The following ITPRIP variants were observed in gnomAD, a reference collection of about 807,000 sequenced individuals.
The protein encoded by ITPRIP is inositol 1,4,5-trisphosphate receptor interacting protein, also known as inositol 1,4,5-trisphosphate receptor-interacting protein.
ITPRIP carries 32 observed loss-of-function variants against 35.8 expected under a neutral mutation model. The ratio of observed to expected loss-of-function variants is 0.89; its 90% CI spans 0.68 to 1.20. The LOEUF is 1.20. Among genes scored for constraint, ITPRIP ranks in the 50% most tolerant of loss-of-function variants. The pLI is 0.00. For missense variants in ITPRIP, 653 were observed against 735.6 expected (o/e 0.89, Z 1.30); for synonymous variants, 358 against 324.0 (o/e 1.11, Z -1.13).
chr10:104,314,981 C>A lies in ITPRIP; in HGVS notation c.1071G>T (p.Ser357=). The A allele has an allele frequency of 6.2e-7, 1 of 1,613,922 alleles. No individual in the cohort carries two copies. The highest frequency in any genetic ancestry group is 8.5e-7 in the Non-Finnish European group (1 of 1,180,008). The change falls in exon 2 of 2, where the codon TCG becomes TCT. Residue 357 remains serine, a synonymous_variant. Transcript: ENST00000337478. ...NLIPVIQCDD[S]DLYFVSHLPR... is the part of the protein sequence containing the mutation. ...GAAGGTGGGAGACAAAGTACAGGTC[C>A]GAGTCATCACACTGGATCACAGGAA...
chr10:104,315,702 C>A lies in ITPRIP; in HGVS notation c.350G>T (p.Gly117Val), dbSNP rs2013655298. ...HQEGPSPECL[G>V]GEEDELPGLG... Reference sequence around the variant, plus strand: ...CCCAGGCAGCTCATCCTCCTCACCGCCCAGGCACTCAGGTGAGGGCCCCTC... The same window carrying A: ...CCCAGGCAGCTCATCCTCCTCACCGACCAGGCACTCAGGTGAGGGCCCCTC... Residue 117 changes from glycine to valine, a missense_variant, in exon 2 of 2, where the codon GGC becomes GTC. Coordinates refer to ENST00000337478, the MANE Select transcript of ITPRIP (RefSeq NM_001272013.2). This position sits in a 1 kb window ranked among gnomAD's most constrained non-coding sequence, Gnocchi z 5.7. The A allele has an allele frequency of 6.2e-7, 1 of 1,613,404 alleles. No homozygotes were observed. Among genetic ancestry groups the A allele is most frequent in the Non-Finnish European group, 8.5e-7 (1 of 1,180,000 alleles).
At chr10:104,336,999 G>C (rs1302459956) in intron 1 of ITPRIP, among the ~76,000 whole-genome samples, 1 of 152,218 alleles carries the variant, frequency 6.6e-6, no homozygotes, top group Non-Finnish European at 1.5e-5. Context: ...CACAAGTGGA[G>C]AAAATCCGAA....
chr10:104,313,217 C>T lies in ITPRIP; in HGVS notation c.*1191G>A. On this transcript the variant is annotated 3_prime_UTR_variant, in exon 2 of 2. Transcript: ENST00000337478. ...TGCCCTAGGATTGGGACCCTGAGGA[C>T]AACCTGGGGCTATGACATCCTTGGC... 1 of 985,550 alleles carries T rather than the reference C, an allele frequency of 1.0e-6. No individual in the cohort carries two copies. Among genetic ancestry groups the T allele is most frequent in the Non-Finnish European group, 1.2e-6 (1 of 830,018 alleles). 61.1% of individuals were successfully genotyped at this position (985,550 alleles called of 1,614,324 possible). A position where few individuals can be genotyped will look rare whatever the true frequency, so the allele number is the denominator to read the frequency against.
Position 104,310,862 on chromosome 10 carries a change from C to A in ITPRIP, c.*3546G>T, listed in dbSNP as rs1354178320. On this transcript the variant is annotated 3_prime_UTR_variant, in exon 2 of 2. Coordinates refer to ENST00000337478, the MANE Select transcript of ITPRIP (RefSeq NM_001272013.2). ...TGGACATCCAGAATCAGGTGGGGAA[C>A]TTGGTGAAGTGCAGATTCTTCTACC... 6.6e-6 allele frequency: 1 copy of A among 152,194 alleles called. No homozygotes were observed. Among genetic ancestry groups the A allele is most frequent in the South Asian group, 2.1e-4 (1 of 4,830 alleles). 9.4% of individuals were successfully genotyped at this position (152,194 alleles called of 1,614,324 possible).
intron 1 of ITPRIP, among the ~76,000 whole-genome samples, chr10:104,325,969 C>T (rs1212385837): frequency 6.6e-6 from 1 of 152,166 alleles, no homozygotes; most frequent in Admixed American, 6.5e-5. Flanking sequence ...AGCTCCACCC[C>T]AGTGCCCACC....
intron 1 of ITPRIP, among the ~76,000 whole-genome samples, chr10:104,318,209 C>T (rs759729359): frequency 2.0e-5 from 3 of 152,138 alleles, no homozygotes; most frequent in Non-Finnish European, 4.4e-5. Flanking sequence ...CTGGTTTCTA[C>T]ATTAGAGAAA....
In ITPRIP at chr10:104,315,671, C is replaced by G; in HGVS notation, c.381G>C (p.Gly127=). 6.2e-7 allele frequency: 1 copy of G among 1,612,798 alleles called. No homozygotes were observed. Among genetic ancestry groups the G allele is most frequent in the Non-Finnish European group, 8.5e-7 (1 of 1,179,902 alleles). ...GGEEDELPGL[G]GAPLQGLTLP... ...GGGTGAGGCCCTGCAAGGGGGCGCCCCCCAGCCCAGGCAGCTCATCCTCCT... is the reference window on the plus strand; with the variant it reads ...GGGTGAGGCCCTGCAAGGGGGCGCCGCCCAGCCCAGGCAGCTCATCCTCCT... The change falls in exon 2 of 2, where the codon GGG becomes GGC. Residue 127 remains glycine (G), a synonymous_variant. Transcript: ENST00000337478. This position sits in a 1 kb window ranked among gnomAD's most constrained non-coding sequence, Gnocchi z 5.7.
chr10:104,313,840 C>T lies in ITPRIP; in HGVS notation c.*568G>A. 2.0e-6 allele frequency: 2 copies of T among 985,644 alleles called. No individual in the cohort carries two copies. The highest frequency in any genetic ancestry group is 2.4e-6 in the Non-Finnish European group (2 of 830,132). 61.1% of individuals were successfully genotyped at this position (985,644 alleles called of 1,614,324 possible). The stretch of plus-strand genomic sequence containing the variant: ...CTCGAATTTATACAAGGTCTTTTCT[C>T]CAAATAGTATAAAAAAGTGGCAGCC... On this transcript the variant is annotated 3_prime_UTR_variant, in exon 2 of 2. Transcript: ENST00000337478.
chr10:104,322,509 G>T (rs975686725), intron 1 of ITPRIP, among the ~76,000 whole-genome samples: 6 of 152,230 alleles, frequency 3.9e-5, no homozygotes, highest in Admixed American at 1.3e-4. Flanking sequence ...TGCCAGGGCT[G>T]GGCCCAGTAT....
chr10:104,334,708 G>A (rs1486680101), intron 1 of ITPRIP, among the ~76,000 whole-genome samples: 1 of 152,158 alleles, frequency 6.6e-6, no homozygotes, highest in Non-Finnish European at 1.5e-5. Context: ...TCTTTCTGCT[G>A]GTGAGAGGGC....
At chr10:104,335,626 G>C (rs2014220115) in intron 1 of ITPRIP, among the ~76,000 whole-genome samples, 1 of 152,164 alleles carries the variant, frequency 6.6e-6, no homozygotes, top group Admixed American at 6.5e-5. Flanking sequence ...TCTGCCTCCT[G>C]CCAGATGAAT....
Position 104,313,427 on chromosome 10 carries a change from G to A in ITPRIP, c.*981C>T. The A allele has an allele frequency of 1.0e-6, 1 of 985,936 alleles. No individual in the cohort carries two copies. Among genetic ancestry groups the A allele is most frequent in the Non-Finnish European group, 1.2e-6 (1 of 830,134 alleles). 61.1% of individuals were successfully genotyped at this position (985,936 alleles called of 1,614,324 possible). A position where few individuals can be genotyped will look rare whatever the true frequency, so the allele number is the denominator to read the frequency against. On this transcript the variant is annotated 3_prime_UTR_variant, in exon 2 of 2. Coordinates refer to ENST00000337478, the MANE Select transcript of ITPRIP (RefSeq NM_001272013.2). Reference sequence around the variant, plus strand: ...TGCGCACAGCCTCTGGGAGTGCCATGGCCTCAGGTGCCTTGTGGTTGCCAA... The same window carrying A: ...TGCGCACAGCCTCTGGGAGTGCCATAGCCTCAGGTGCCTTGTGGTTGCCAA...
chr10:104,326,102 G>A lies in ITPRIP; in HGVS notation c.-13-10038C>T, dbSNP rs985519204. On this transcript the variant is annotated intron_variant, in intron 1 of 1. Transcript: ENST00000337478. The surrounding 1 kb of genome is among the most constrained non-coding windows in gnomAD (Gnocchi z 4.8). The stretch of plus-strand genomic sequence containing the variant: ...TCTGGCCGGACTCACAGGAGGTGCT[G>A]CTCACACCCGTCCAAAGCATTAAGT... Among the ~76,000 whole-genome samples the A allele has an allele frequency of 9.2e-5, 14 of 152,196 alleles. No individual in the cohort carries two copies. The highest frequency in any genetic ancestry group is 1.6e-4 in the Non-Finnish European group (11 of 68,036).
chr10:104,324,924 C>A (rs1312860741), intron 1 of ITPRIP, among the ~76,000 whole-genome samples: 1 of 152,178 alleles, frequency 6.6e-6, no homozygotes, highest in Non-Finnish European at 1.5e-5. Flanking sequence ...CCTTAAAAAC[C>A]ATGTGAGCAA....
chr10:104,321,708 T>C (rs276232), intron 1 of ITPRIP, among the ~76,000 whole-genome samples: 13,491 of 147,664 alleles, frequency 0.091, 1,318 homozygotes, highest in African/African-American at 0.25. Context: ...CTTTTCTTTT[T>C]TTTTTTTTTT....
At chr10:104,334,055 T>TGAGA (rs1360380471) in intron 1 of ITPRIP, 1 of 152,052 alleles carries the variant, frequency 6.6e-6, no homozygotes, top group Non-Finnish European at 1.5e-5. Context: ...GCCCAACTAC[T>TGAGA]GAGAACGCCC....
chr10:104,324,849 A>G (rs2013950146), intron 1 of ITPRIP, among the ~76,000 whole-genome samples: 1 of 152,204 alleles, frequency 6.6e-6, no homozygotes, highest in East Asian at 1.9e-4. Flanking sequence ...CCCAAAGAAA[A>G]GCCACTAATC....
chr10:104,312,645 G>A lies in ITPRIP; in HGVS notation c.*1763C>T, dbSNP rs2013517062. On this transcript the variant is annotated 3_prime_UTR_variant, in exon 2 of 2. Transcript: ENST00000337478. ...TTCAGTCTAATTCCAGCTCACACTG[G>A]AAGGCTTCCTATAGGTTTGGTTGCC... 2 of 985,270 alleles carry A rather than the reference G, an allele frequency of 2.0e-6. No individual in the cohort carries two copies. The highest frequency in any genetic ancestry group is 4.7e-5 in the South Asian group (1 of 21,288). 61.0% of individuals were successfully genotyped at this position (985,270 alleles called of 1,614,324 possible).
rs571546290 is a variant in ITPRIP at position 104,328,630 on chromosome 10, C to G, written c.-14+9616G>C. On this transcript the variant is annotated intron_variant, in intron 1 of 1. Transcript: ENST00000337478. The surrounding 1 kb of genome is among the most constrained non-coding windows in gnomAD (Gnocchi z 4.1). The stretch of plus-strand genomic sequence containing the variant: ...ACAAAGCCCTCCCTTGGCCACTCCC[C>G]GCCCCCTTCCACTTTCCCCCTTTCA... Among the ~76,000 whole-genome samples, 120 of 152,204 alleles carry G rather than the reference C, an allele frequency of 7.9e-4. No individual in the cohort carries two copies. Among genetic ancestry groups the G allele is most frequent in the Non-Finnish European group, 1.5e-3 (99 of 68,000 alleles).
Sources: gnomAD v4.1 joint callset for allele counts (sites outside exome capture counted in the v4.1 genomes callset) on GRCh38, gnomAD v4.1.1 for gene constraint, Gnocchi (gnomAD v3.1) non-coding constraint, MANE v1.5 for transcripts, NCBI Gene and HGNC (gene_info 2026-07-23, HGNC 2026-07-21) for gene names.